SETX: variants seen among roughly 807,000 people sequenced by gnomAD.
SETX encodes helicase senataxin.
In SETX, 90 loss-of-function variants were observed where a neutral mutation model predicts 227.2. The ratio of observed to expected loss-of-function variants is 0.40; its 90% CI spans 0.33 to 0.47. The LOEUF (loss-of-function observed/expected upper bound fraction) is 0.47, where lower values mean the gene tolerates loss of function less well. Ranked by LOEUF, SETX falls within the 20% of genes least tolerant of loss-of-function variation. The probability of loss-of-function intolerance (pLI) is 0.91; values close to 1 mark genes in which losing one functional copy is unlikely to be tolerated. For missense variants in SETX, 3,052 were observed against 3,181.5 expected, an observed-to-expected ratio of 0.96 and a Z score of 0.98; for synonymous variants, 1,210 against 1,113.2, an observed-to-expected ratio of 1.09 and a Z score of -1.73.
rs2296872 is a variant in SETX, at chr9:132,311,741, G to T, written c.5374+16C>A. The T allele has an allele frequency of 1.3e-6, 2 of 1,548,248 alleles. No individual in the cohort carries two copies. The highest frequency in any genetic ancestry group is 8.9e-7 in the Non-Finnish European group (1 of 1,121,988). On this transcript the variant is annotated intron_variant, in intron 11 of 25. Coordinates refer to ENST00000224140, the MANE Select transcript of SETX (RefSeq NM_015046.7). ...TATTATATCATATATTCCAAGTTGC[G>T]TAAGAAAAAACTTACCTGCAAACTC...
At chr9:132,294,376 C>T (rs1359622311) in intron 15 of SETX, among the ~76,000 whole-genome samples, 1 of 152,220 alleles carries the variant, frequency 6.6e-6, no homozygotes, top group African/African-American at 2.4e-5. Flanking sequence ...ACTAAATTAT[C>T]AATGAATAAA....
chr9:132,290,195 G>C (rs1007545855), intron 15 of SETX, among the ~76,000 whole-genome samples: 9 of 152,120 alleles, frequency 5.9e-5, no homozygotes, highest in Admixed American at 5.9e-4. Context: ...GGGTGACAGA[G>C]CAAGACTCCG....
intron 10 of SETX, among the ~76,000 whole-genome samples, chr9:132,314,385 G>A (rs566804003): frequency 3.9e-5 from 6 of 152,196 alleles, no homozygotes; most frequent in Admixed American, 2.6e-4. Flanking sequence ...CACCGTGCCC[G>A]GCCCACATTT....
rs1190601083 is a variant in SETX, at chr9:132,302,527, G to GAC, written c.5375-1725_5375-1724insGT. 2.0e-5 allele frequency among the ~76,000 whole-genome samples: 3 copies of GAC among 151,530 alleles called. No homozygotes were observed. The East Asian group carries it at 5.8e-4, about 29-fold the overall frequency. On this transcript the variant is annotated intron_variant, in intron 11 of 25. Coordinates refer to ENST00000224140, the MANE Select transcript of SETX (RefSeq NM_015046.7). ...ATACAAAAATTAGCCAGGCGTCGTG[G>GAC]CAGGCGCCTGTAATCCCAGCTACTT...
Position 132,354,572 on chromosome 9 carries a change from G to A in SETX, c.-115+345C>T, listed in dbSNP as rs183346836. ...GCGAGAGGCAGACGAGCGTGTGGAG[G>A]GAACCGACACTTTCCACCCCGAGAC... is the stretch of plus-strand genomic sequence containing the variant. On this transcript the variant is annotated intron_variant, in intron 1 of 25. Coordinates refer to ENST00000224140, the MANE Select transcript of SETX (RefSeq NM_015046.7). 1.0e-3 allele frequency among the ~76,000 whole-genome samples: 152 copies of A among 151,834 alleles called. 1 individual carries two copies. The East Asian group carries it at 0.024, about 24-fold the overall frequency.
chr9:132,262,879 C>T lies in SETX; in HGVS notation c.*1360G>A, dbSNP rs1842465738. ...GGGCTGCACAGCATTCACTACAGAT[C>T]CCTAGTTTTTACAACTGTCAACTGT... On this transcript the variant is annotated 3_prime_UTR_variant, in exon 26 of 26. Coordinates refer to ENST00000224140, the MANE Select transcript of SETX (RefSeq NM_015046.7). The T allele has an allele frequency of 6.6e-6, 1 of 152,156 alleles. No homozygotes were observed. The highest frequency in any genetic ancestry group is 2.1e-4 in the South Asian group (1 of 4,824). The allele number at this position is 152,156 out of a possible 1,614,324, so 9.4% of individuals were successfully genotyped here.
At chr9:132,282,439 CCAT>C (rs1843596960) in intron 19 of SETX, among the ~76,000 whole-genome samples, 1 of 151,862 alleles carries the variant, frequency 6.6e-6, no homozygotes, top group African/African-American at 2.4e-5. Context: ...CAGGCACACA[CCAT>C]CAACTCCTGG....
intron 11 of SETX, among the ~76,000 whole-genome samples, chr9:132,307,439 C>T (rs1345872740): frequency 6.6e-6 from 1 of 151,514 alleles, no homozygotes; most frequent in Admixed American, 6.6e-5. Context: ...TATAGCATGC[C>T]CAGATTGGTG....
At chr9:132,325,074 C>T (rs986676870) in intron 10 of SETX, among the ~76,000 whole-genome samples, 5 of 152,104 alleles carry the variant, frequency 3.3e-5, no homozygotes, top group African/African-American at 9.7e-5. Flanking sequence ...AAGAAACTGG[C>T]GGCCAGACGC....
intron 18 of SETX, among the ~76,000 whole-genome samples, chr9:132,285,855 G>A (rs1333325328): frequency 2.2e-4 from 32 of 143,220 alleles, no homozygotes; most frequent in African/African-American, 7.9e-4. Context: ...ACTCCAGCCT[G>A]GCAACAGAGT....
intron 5 of SETX, among the ~76,000 whole-genome samples, 200 bp from the exon 6 acceptor site, chr9:132,336,715 T>C (rs1177997615): frequency 6.6e-6 from 1 of 152,230 alleles, no homozygotes; most frequent in Non-Finnish European, 1.5e-5. Flanking sequence ...TTTCCATTCA[T>C]TCAAACACTG....
intron 11 of SETX, among the ~76,000 whole-genome samples, chr9:132,308,058 C>A (rs1197726540): frequency 1.3e-5 from 2 of 152,184 alleles, no homozygotes; most frequent in African/African-American, 4.8e-5. Context: ...AACTATGCTA[C>A]TGAGTAACCA....
chr9:132,293,850 G>A (rs981948818), intron 15 of SETX, among the ~76,000 whole-genome samples: 3 of 152,184 alleles, frequency 2.0e-5, no homozygotes, highest in Admixed American at 6.5e-5. Flanking sequence ...GTGAAACCCC[G>A]TCTCTACTAA....
intron 3 of SETX, among the ~76,000 whole-genome samples, chr9:132,348,202 AT>A (rs1848399593): frequency 6.6e-6 from 1 of 151,748 alleles, no homozygotes; most frequent in Admixed American, 6.6e-5. Context: ...TCTACTAAAA[AT>A]AAAAAATTAG....
At chr9:132,306,537 A>T (rs1444516936) in intron 11 of SETX, among the ~76,000 whole-genome samples, 1 of 151,914 alleles carries the variant, frequency 6.6e-6, no homozygotes, top group African/African-American at 2.4e-5. Flanking sequence ...AAAAGTACTT[A>T]TATCATTTTT....
intron 25 of SETX, among the ~76,000 whole-genome samples, chr9:132,268,670 G>C (rs775656394): frequency 2.1e-4 from 32 of 152,296 alleles, no homozygotes; most frequent in Non-Finnish European, 3.5e-4. Context: ...TATTCCACTG[G>C]ATATATTTAA....
intron 14 of SETX, among the ~76,000 whole-genome samples, 187 bp downstream of exon 14, chr9:132,296,700 C>G (rs1218249393): frequency 6.6e-6 from 1 of 152,058 alleles, no homozygotes; most frequent in Non-Finnish European, 1.5e-5. Context: ...GTTTTTTCCT[C>G]TTTTTATTTC....
chr9:132,307,244 ACT>A (rs1182653975), intron 11 of SETX, among the ~76,000 whole-genome samples: 5 of 151,838 alleles, frequency 3.3e-5, no homozygotes, highest in South Asian at 2.1e-4. Context: ...ACAGAGCAAG[ACT>A]CTGTCTCAAA....
rs374160109 is a variant in SETX at position 132,264,230 on chromosome 9, T to G, written c.*9A>C. On this transcript the variant is annotated 3_prime_UTR_variant, in exon 26 of 26. Coordinates refer to ENST00000224140, the MANE Select transcript of SETX (RefSeq NM_015046.7). ...TGCTGTGGCTGCTGGCCCATGTCAC[T>G]GGGCTTTCCTATAAAAGCTTTCTTT... 6.2e-7 allele frequency: 1 copy of G among 1,613,954 alleles called. No individual in the cohort carries two copies. Among genetic ancestry groups the G allele is most frequent in the Non-Finnish European group, 8.5e-7 (1 of 1,180,028 alleles).
Sources: gnomAD v4.1 joint callset for allele counts (sites outside exome capture counted in the v4.1 genomes callset) on GRCh38, gnomAD v4.1.1 for gene constraint, MANE v1.5 for transcripts, NCBI Gene and HGNC (gene_info 2026-07-23, HGNC 2026-07-21) for gene names.